Variants in CDH18 observed in about 807,000 individuals in gnomAD.
CDH18 encodes cadherin 18.
Under a neutral mutation model 67.9 loss-of-function variants are expected in CDH18, and 31 were observed. The observed-to-expected ratio is 0.46, with a 90% CI of 0.34 to 0.62. CDH18 has a LOEUF of 0.62. Among genes scored for constraint, CDH18 ranks in the 20% least tolerant of loss-of-function variants. The probability of loss-of-function intolerance (pLI) is 0.01; values close to 1 mark genes in which losing one functional copy is unlikely to be tolerated. For synonymous variants in CDH18, 362 were observed against 347.2 expected (o/e 1.04, Z -0.48); for missense variants, 890 against 975.5 (o/e 0.91, Z 1.17).
At chr5:20,424,207 C>T (rs2150163946) in intron 1 of CDH18, among the ~76,000 whole-genome samples, 1 of 150,580 alleles carries the variant, frequency 6.6e-6, no homozygotes, top group Non-Finnish European at 1.5e-5. Flanking sequence ...GTATCCTCTG[C>T]TAAGACAAAT....
chr5:19,612,511 A>G lies in CDH18; in HGVS notation c.734T>C (p.Val245Ala), dbSNP rs1580490853. The G allele has an allele frequency of 6.2e-7, 1 of 1,614,042 alleles. No individual in the cohort carries two copies. Among genetic ancestry groups the G allele is most frequent in the Non-Finnish European group, 8.5e-7 (1 of 1,179,986 alleles). Residue 245 changes from valine (V) to alanine (A), a missense_variant, in exon 6 of 13, where the codon GTT (valine) becomes GCT (alanine). Coordinates refer to ENST00000382275, the MANE Select transcript of CDH18 (RefSeq NM_004934.5). ...VIQAKDMAGQ[V>A]GGLSGSTTVN... ...TGTTGTAGATCCTGAAAGCCCTCCA[A>G]CTTGCCCAGCCATGTCTTTGGCTTG...
At chr5:19,833,137 T>C (rs192790942) in intron 3 of CDH18, among the ~76,000 whole-genome samples, 13 of 152,332 alleles carry the variant, frequency 8.5e-5, no homozygotes, top group Non-Finnish European at 1.8e-4. Context: ...TTTCATGATA[T>C]TGATTCTTCC....
chr5:19,869,695 G>C (rs1374528524), intron 2 of CDH18, among the ~76,000 whole-genome samples: 1 of 151,924 alleles, frequency 6.6e-6, no homozygotes, highest in African/African-American at 2.4e-5. Flanking sequence ...TTTATATAAG[G>C]CATTAGTAGC....
chr5:19,782,034 T>G (rs547925313), intron 3 of CDH18, among the ~76,000 whole-genome samples: 1 of 152,244 alleles, frequency 6.6e-6, no homozygotes, highest in Non-Finnish European at 1.5e-5. Context: ...ACATGGGATA[T>G]AATAGGGATA....
chr5:20,015,917 G>A (rs1365665202), intron 2 of CDH18, among the ~76,000 whole-genome samples: 3 of 152,162 alleles, frequency 2.0e-5, no homozygotes, highest in African/African-American at 2.4e-5. Context: ...GAAAAGGAAC[G>A]CAGATAACAG....
intron 1 of CDH18, among the ~76,000 whole-genome samples, chr5:20,405,408 C>G (rs1298505158): frequency 6.6e-6 from 1 of 152,124 alleles, no homozygotes; most frequent in African/African-American, 2.4e-5. Flanking sequence ...AACTGGACCC[C>G]TTCCTTACAC....
At chr5:19,593,448 T>C (rs1044579502) in intron 6 of CDH18, among the ~76,000 whole-genome samples, 1 of 152,100 alleles carries the variant, frequency 6.6e-6, no homozygotes, top group Non-Finnish European at 1.5e-5. Context: ...ACGTACCTAT[T>C]GTCCATTTGT....
intron 1 of CDH18, among the ~76,000 whole-genome samples, chr5:19,983,517 T>C (rs1410769338): frequency 1.3e-5 from 2 of 152,178 alleles, no homozygotes; most frequent in Non-Finnish European, 2.9e-5. Flanking sequence ...AGGACGTTGA[T>C]TAAAGCAAAT....
chr5:20,405,530 A>G (rs1274995845), intron 1 of CDH18, among the ~76,000 whole-genome samples: 2 of 152,226 alleles, frequency 1.3e-5, no homozygotes, highest in East Asian at 1.9e-4. Flanking sequence ...GGGATGGGCA[A>G]GGACTTCATG....
chr5:20,258,670 C>A (rs1183928855), intron 1 of CDH18, among the ~76,000 whole-genome samples: 4 of 151,978 alleles, frequency 2.6e-5, no homozygotes, highest in Non-Finnish European at 5.9e-5. Context: ...TTTTTCAATT[C>A]AATGCCCAAT....
At chr5:19,822,326 G>A (rs1384885907) in intron 3 of CDH18, among the ~76,000 whole-genome samples, 1 of 152,104 alleles carries the variant, frequency 6.6e-6, no homozygotes, top group African/African-American at 2.4e-5. Flanking sequence ...TCTTAAATCA[G>A]ACAAAGCAGA....
At chr5:20,444,421 A>G (rs1383581816) in intron 1 of CDH18, among the ~76,000 whole-genome samples, 2 of 152,188 alleles carry the variant, frequency 1.3e-5, no homozygotes, top group African/African-American at 4.8e-5. Context: ...CTGTAATCCC[A>G]GCTACTTGGG....
intron 1 of CDH18, among the ~76,000 whole-genome samples, chr5:20,412,998 C>T (rs536330423): frequency 5.4e-4 from 82 of 152,256 alleles, no homozygotes; most frequent in African/African-American, 1.9e-3. Context: ...GTGTGTGATG[C>T]TCCCGCCCTG....
intron 2 of CDH18, among the ~76,000 whole-genome samples, chr5:19,912,658 C>T (rs1579559612): frequency 6.6e-6 from 1 of 152,096 alleles, no homozygotes; most frequent in Non-Finnish European, 1.5e-5. Flanking sequence ...GCAACTGATG[C>T]TATGGGAAAG....
At chr5:20,359,247 T>C (rs917864784) in intron 1 of CDH18, among the ~76,000 whole-genome samples, 2 of 152,130 alleles carry the variant, frequency 1.3e-5, no homozygotes, top group Non-Finnish European at 2.9e-5. Flanking sequence ...CCCTTTTCTG[T>C]ATGTACATTT....
At chr5:20,086,366 T>C (rs1744950557) in intron 2 of CDH18, among the ~76,000 whole-genome samples, 2 of 152,222 alleles carry the variant, frequency 1.3e-5, no homozygotes, top group East Asian at 3.9e-4. Flanking sequence ...CAAGTGCTGA[T>C]GCAGAAGCTA....
At chr5:19,944,075 G>C (rs567346967) in intron 2 of CDH18, among the ~76,000 whole-genome samples, 2 of 152,024 alleles carry the variant, frequency 1.3e-5, no homozygotes, top group Non-Finnish European at 2.9e-5. Flanking sequence ...AAGAGGTCAG[G>C]ATGAATGTAC....
intron 1 of CDH18, among the ~76,000 whole-genome samples, chr5:20,270,565 G>T (rs1156651070): frequency 8.5e-5 from 13 of 152,144 alleles, no homozygotes; most frequent in Non-Finnish European, 1.9e-4. Flanking sequence ...CATTGTGGAA[G>T]AGAGTGTGGA....
At chr5:19,880,443 T>C (rs1055233316) in intron 2 of CDH18, among the ~76,000 whole-genome samples, 3 of 152,092 alleles carry the variant, frequency 2.0e-5, no homozygotes, top group Admixed American at 2.0e-4. Context: ...TAGATAACCA[T>C]CAAATCTATA....
Sources: gnomAD v4.1 joint callset for allele counts (sites outside exome capture counted in the v4.1 genomes callset) on GRCh38, gnomAD v4.1.1 for gene constraint, MANE v1.5 for transcripts, NCBI Gene and HGNC (gene_info 2026-07-23, HGNC 2026-07-21) for gene names.